Variants in NFIB observed in about 807,000 individuals in gnomAD.
The protein encoded by NFIB is nuclear factor I B.
NFIB carries 11 observed loss-of-function variants against 61.5 expected under a neutral mutation model. The observed-to-expected ratio is 0.18, with a 90% CI of 0.11 to 0.30. The LOEUF is 0.30. NFIB is among the 10% of genes least tolerant of loss of function. The pLI is 1.00. For missense variants in NFIB, 471 were observed against 608.9 expected, an observed-to-expected ratio of 0.77 and a Z score of 2.38; for synonymous variants, 260 against 216.5, an observed-to-expected ratio of 1.20 and a Z score of -1.76.
the NFIB span, among the ~76,000 whole-genome samples, chr9:14,418,771 T>C: frequency 2.0e-5 from 3 of 152,198 alleles, no homozygotes; most frequent in Non-Finnish European, 2.9e-5. Flanking sequence ...TTATTAAGTT[T>C]TGTCATAAAC....
chr9:14,279,040 A>T (rs968407438), intron 2 of NFIB, among the ~76,000 whole-genome samples: 1 of 152,210 alleles, frequency 6.6e-6, no homozygotes, highest in African/African-American at 2.4e-5. Context: ...TGAGGTAGGG[A>T]GAAAAATATA....
chr9:14,218,857 T>G (rs1305122439), intron 2 of NFIB, among the ~76,000 whole-genome samples: 1 of 152,198 alleles, frequency 6.6e-6, no homozygotes, highest in Non-Finnish European at 1.5e-5. Context: ...TTTTAACTTC[T>G]CCATCATCAA....
chr9:14,432,253 C>T, the NFIB span, among the ~76,000 whole-genome samples: 1 of 152,188 alleles, frequency 6.6e-6, no homozygotes, highest in African/African-American at 2.4e-5. Context: ...TTGCTGCTGG[C>T]TGCCATGTTT....
chr9:14,328,982 T>A (rs2060787436), intron 1 of NFIB, among the ~76,000 whole-genome samples: 1 of 152,220 alleles, frequency 6.6e-6, no homozygotes, highest in Non-Finnish European at 1.5e-5. Flanking sequence ...TGGGCAAGTG[T>A]TGCACATAAC....
chr9:14,477,165 G>A, the NFIB span, among the ~76,000 whole-genome samples: 1 of 152,194 alleles, frequency 6.6e-6, no homozygotes, highest in African/African-American at 2.4e-5. Context: ...GCCTGAGGCA[G>A]TGTGTAGGGG....
intron 6 of NFIB, among the ~76,000 whole-genome samples, chr9:14,138,677 T>G (rs1231169815): frequency 5.3e-5 from 8 of 152,160 alleles, no homozygotes; most frequent in African/African-American, 1.9e-4. Context: ...ACTGGCAAAG[T>G]GTTAATAACA....
At position 14,313,619 on chromosome 9, in the gene NFIB, T is replaced by C; in HGVS notation, c.-108A>G. On this transcript the variant is annotated 5_prime_UTR_variant, in exon 1 of 11. Coordinates refer to ENST00000380953, the MANE Select transcript of NFIB (RefSeq NM_001190737.2). This position sits in a 1 kb window ranked among gnomAD's most constrained non-coding sequence, Gnocchi z 4.5. ...CATCTGAGCCCCGCGATGCGATCAA[T>C]CAGGACGGGGCTCTGCGCTGGATCA... is the stretch of plus-strand genomic sequence containing the variant. 6.3e-7 allele frequency: 1 copy of C among 1,597,146 alleles called. No homozygotes were observed. Among genetic ancestry groups the C allele is most frequent in the South Asian group, 1.1e-5 (1 of 89,244 alleles).
upstream of NFIB, chr9:14,314,715 C>CCTCCTCCTT (rs2060457537): frequency 7.4e-6 from 1 of 135,496 alleles, no homozygotes; most frequent in Non-Finnish European, 1.6e-5. Flanking sequence ...CCTTCCTCCT[C>CCTCCTCCTT]CTCCTCCTTC....
the NFIB span, among the ~76,000 whole-genome samples, chr9:14,427,981 G>C: frequency 1.3e-5 from 1 of 76,102 alleles, no homozygotes; most frequent in African/African-American, 4.7e-5. Context: ...ATCTCACTCT[G>C]TCACTCAGGC....
chr9:14,247,735 C>G (rs773219927), intron 2 of NFIB, among the ~76,000 whole-genome samples: 7 of 152,066 alleles, frequency 4.6e-5, no homozygotes, highest in Non-Finnish European at 8.8e-5. Context: ...AGTACATGGC[C>G]CACTGCTTGG....
intron 2 of NFIB, among the ~76,000 whole-genome samples, chr9:14,209,710 C>T (rs1004890675): frequency 5.9e-5 from 9 of 152,288 alleles, no homozygotes; most frequent in African/African-American, 1.2e-4. Flanking sequence ...CAAGCCCAGA[C>T]GCACTGAAAA....
At chr9:14,383,618 G>C (rs187198578) in intron 1 of NFIB, among the ~76,000 whole-genome samples, 80 of 152,272 alleles carry the variant, frequency 5.3e-4, no homozygotes, top group African/African-American at 1.7e-3. Context: ...GTTCTGTTAA[G>C]AACATAGTTG....
chr9:14,370,295 A>T (rs1195086260), intron 1 of NFIB, among the ~76,000 whole-genome samples: 5 of 152,204 alleles, frequency 3.3e-5, no homozygotes, highest in African/African-American at 9.7e-5. Flanking sequence ...AAAGTTAGTT[A>T]TTTGTATATT....
At chr9:14,371,042 C>G (rs1342873124) in intron 1 of NFIB, among the ~76,000 whole-genome samples, 1 of 152,178 alleles carries the variant, frequency 6.6e-6, no homozygotes, top group Non-Finnish European at 1.5e-5. Flanking sequence ...TTGCAGTGAG[C>G]TGAGATTGTG....
the NFIB span, among the ~76,000 whole-genome samples, chr9:14,484,478 CA>C: frequency 1.3e-5 from 2 of 152,082 alleles, no homozygotes; most frequent in African/African-American, 4.8e-5. Flanking sequence ...TACTCTGCTG[CA>C]AAATATGTGT....
intron 1 of NFIB, among the ~76,000 whole-genome samples, chr9:14,311,189 G>A (rs1385523589): frequency 3.3e-5 from 5 of 151,924 alleles, no homozygotes; most frequent in Non-Finnish European, 5.9e-5. Context: ...TTTAATGGTA[G>A]GTCCTTTTAA....
chr9:14,422,386 C>T, the NFIB span, among the ~76,000 whole-genome samples: 2 of 152,208 alleles, frequency 1.3e-5, no homozygotes, highest in Admixed American at 1.3e-4. Flanking sequence ...CATGTTTGCT[C>T]ACCATAATGT....
At chr9:14,092,790 G>A (rs1040666689) in intron 10 of NFIB, among the ~76,000 whole-genome samples, 1 of 151,978 alleles carries the variant, frequency 6.6e-6, no homozygotes, top group Non-Finnish European at 1.5e-5. Flanking sequence ...GTTCTACAGC[G>A]TGAGGATTAA....
chr9:14,420,441 G>T, the NFIB span, among the ~76,000 whole-genome samples: 3 of 34,394 alleles, frequency 8.7e-5, no homozygotes, highest in Non-Finnish European at 1.7e-4. Context: ...GCGAGACTCC[G>T]TCTCAAAAAA....
Sources: allele counts gnomAD v4.1 joint callset (sites outside exome capture counted in the v4.1 genomes callset), GRCh38; gene constraint gnomAD v4.1.1; non-coding constraint Gnocchi (gnomAD v3.1); transcripts MANE v1.5; gene names NCBI Gene and HGNC (gene_info 2026-07-23, HGNC 2026-07-21).